PDE1C: variants seen among roughly 807,000 people sequenced by gnomAD.
The protein encoded by PDE1C is phosphodiesterase 1C.
A neutral mutation model predicts 93.1 loss-of-function variants in PDE1C; 62 were observed. That is an observed-to-expected ratio of 0.67 (90% CI 0.54 to 0.82). The LOEUF is 0.82. Among genes scored for constraint, PDE1C ranks in the 40% least tolerant of loss-of-function variants. The pLI, the probability that PDE1C is intolerant of heterozygous loss-of-function variation, is 0.00. For missense variants in PDE1C, 742 were observed against 884.6 expected (o/e 0.84, Z 2.04); for synonymous variants, 325 against 310.1 (o/e 1.05, Z -0.50).
At chr7:32,217,980 A>G (rs2128851438) in intron 1 of PDE1C, among the ~76,000 whole-genome samples, 1 of 152,318 alleles carries the variant, frequency 6.6e-6, no homozygotes. Context: ...AGGTCCAGAC[A>G]TAGAAGATGG....
intron 16 of PDE1C, among the ~76,000 whole-genome samples, chr7:31,801,522 T>G (rs1786040062): frequency 6.6e-6 from 1 of 151,508 alleles, no homozygotes; most frequent in Admixed American, 6.6e-5. Context: ...GTCAAGTTGA[T>G]TGACAGTGTT....
chr7:31,769,057 A>G (rs1182025011), intron 17 of PDE1C, among the ~76,000 whole-genome samples: 2 of 151,936 alleles, frequency 1.3e-5, no homozygotes, highest in African/African-American at 4.8e-5. Flanking sequence ...CAGCCTCCCA[A>G]AGTGCTGAGA....
intron 7 of PDE1C, among the ~76,000 whole-genome samples, chr7:31,852,338 C>T (rs1383212493): frequency 3.3e-5 from 5 of 152,062 alleles, no homozygotes. Context: ...CAATAATATA[C>T]CTCAAAAACA....
chr7:32,262,960 A>G (rs1414206228), intron 1 of PDE1C, among the ~76,000 whole-genome samples: 1 of 152,226 alleles, frequency 6.6e-6, no homozygotes, highest in Non-Finnish European at 1.5e-5. Context: ...TACAAAATTT[A>G]GATTCTTGGT....
chr7:31,895,354 G>A (rs927954699), intron 2 of PDE1C, among the ~76,000 whole-genome samples: 7 of 152,088 alleles, frequency 4.6e-5, no homozygotes, highest in Non-Finnish European at 1.0e-4. Context: ...AGCTAGAGAT[G>A]TCACTAAGAC....
At chr7:31,731,361 G>A in the PDE1C span, among the ~76,000 whole-genome samples, 2 of 123,998 alleles carry the variant, frequency 1.6e-5, no homozygotes, top group African/African-American at 2.5e-5. Context: ...ATATCATTAA[G>A]TACAACATTG....
chr7:32,018,982 T>A (rs983151271), intron 2 of PDE1C, among the ~76,000 whole-genome samples: 1 of 151,940 alleles, frequency 6.6e-6, no homozygotes, highest in East Asian at 1.9e-4. Flanking sequence ...GATACAGTCA[T>A]GTTGCTATAT....
chr7:31,648,874 G>C, the PDE1C span, among the ~76,000 whole-genome samples: 1 of 152,324 alleles, frequency 6.6e-6, no homozygotes, highest in African/African-American at 2.4e-5. Context: ...CAAGAGATGG[G>C]TTCGAAATCT....
intron 2 of PDE1C, among the ~76,000 whole-genome samples, chr7:31,992,602 G>A (rs1440099280): frequency 6.6e-6 from 1 of 152,142 alleles, no homozygotes; most frequent in African/African-American, 2.4e-5. Context: ...ATATGGGAGG[G>A]TACCTCCAAC....
the PDE1C span, among the ~76,000 whole-genome samples, chr7:31,721,543 T>C: frequency 1.3e-5 from 2 of 152,204 alleles, no homozygotes; most frequent in African/African-American, 2.4e-5. Context: ...TGGATGGACA[T>C]AGAATCAACC....
chr7:32,424,758 G>A (rs1054699589), intron 1 of PDE1C, among the ~76,000 whole-genome samples: 3 of 152,166 alleles, frequency 2.0e-5, no homozygotes, highest in Admixed American at 6.5e-5. Context: ...TTTGCAGTGA[G>A]CTGAGATTGC....
chr7:32,409,081 G>A (rs1341140365), intron 1 of PDE1C, among the ~76,000 whole-genome samples: 1 of 152,104 alleles, frequency 6.6e-6, no homozygotes, highest in African/African-American at 2.4e-5. Context: ...AAAAAGAAAA[G>A]GAAAGGCCAG....
intron 2 of PDE1C, among the ~76,000 whole-genome samples, chr7:31,951,448 G>C (rs1807368228): frequency 6.6e-6 from 1 of 152,210 alleles, no homozygotes; most frequent in African/African-American, 2.4e-5. Context: ...CCCTCATCAA[G>C]GGGATTTCAA....
intron 2 of PDE1C, among the ~76,000 whole-genome samples, chr7:31,968,027 C>A (rs957015746): frequency 5.9e-5 from 9 of 152,180 alleles, no homozygotes; most frequent in Non-Finnish European, 1.0e-4. Context: ...AGACTGGAAG[C>A]ATTCCCTTTG....
At chr7:31,883,393 T>G (rs1022873078) in intron 2 of PDE1C, among the ~76,000 whole-genome samples, 2 of 152,174 alleles carry the variant, frequency 1.3e-5, no homozygotes, top group African/African-American at 4.8e-5. Context: ...GGACAAGTAA[T>G]TTAAAAAGAT....
intron 1 of PDE1C, among the ~76,000 whole-genome samples, chr7:32,404,498 T>G (rs1233871456): frequency 6.6e-6 from 1 of 151,688 alleles, no homozygotes; most frequent in Non-Finnish European, 1.5e-5. Flanking sequence ...GGACCACAGG[T>G]GCATGCCACT....
chr7:32,216,818 T>G (rs1041450113), intron 1 of PDE1C, among the ~76,000 whole-genome samples: 2 of 152,134 alleles, frequency 1.3e-5, no homozygotes, highest in African/African-American at 4.8e-5. Context: ...CTCTTCCACC[T>G]TTGTCTCTTT....
chr7:32,253,420 C>T (rs765428618), intron 1 of PDE1C, among the ~76,000 whole-genome samples: 15 of 152,152 alleles, frequency 9.9e-5, no homozygotes, highest in African/African-American at 1.9e-4. Flanking sequence ...CAGCCTTACG[C>T]GCCTTCCAGA....
intron 7 of PDE1C, among the ~76,000 whole-genome samples, chr7:31,856,634 G>A (rs569534724): frequency 1.6e-3 from 248 of 151,070 alleles, no homozygotes; most frequent in Non-Finnish European, 2.7e-3. Flanking sequence ...ATCACAATAC[G>A]TGGAAGTAAG....
Sources: gnomAD v4.1 joint callset for allele counts (sites outside exome capture counted in the v4.1 genomes callset) on GRCh38, gnomAD v4.1.1 for gene constraint, MANE v1.5 for transcripts, NCBI Gene and HGNC (gene_info 2026-07-23, HGNC 2026-07-21) for gene names.